Variants in TNFSF4 observed in about 807,000 individuals in gnomAD.
The protein encoded by TNFSF4 is TNF superfamily member 4, also known as tumor necrosis factor ligand superfamily member 4.
A neutral mutation model predicts 7.3 loss-of-function variants in TNFSF4; 4 were observed. The observed-to-expected ratio is 0.55, with a 90% CI of 0.27 to 1.25. The LOEUF is 1.25. Among genes scored for constraint, TNFSF4 ranks in the 50% most tolerant of loss-of-function variants. The pLI, the probability that TNFSF4 is intolerant of heterozygous loss-of-function variation, is 0.12. For synonymous variants in TNFSF4, 76 were observed against 83.7 expected, an observed-to-expected ratio of 0.91 and a Z score of 0.50; for missense variants, 181 against 208.8, an observed-to-expected ratio of 0.87 and a Z score of 0.82.
chr1:173,295,714 C>T, the TNFSF4 span, among the ~76,000 whole-genome samples: 5 of 152,100 alleles, frequency 3.3e-5, no homozygotes, highest in African/African-American at 1.2e-4. Context: ...TCATCTTCAA[C>T]GTCATCTTAT....
chr1:173,249,724 A>G, the TNFSF4 span, among the ~76,000 whole-genome samples: 2 of 152,358 alleles, frequency 1.3e-5, no homozygotes, highest in East Asian at 3.9e-4. Flanking sequence ...TTTAGCAGCA[A>G]GACTACACTC....
At chr1:173,333,604 C>T in the TNFSF4 span, among the ~76,000 whole-genome samples, 1 of 151,946 alleles carries the variant, frequency 6.6e-6, no homozygotes, top group African/African-American at 2.4e-5. Context: ...GAGGAGAAAC[C>T]AGAACCCCTC....
the TNFSF4 span, among the ~76,000 whole-genome samples, chr1:173,284,110 CT>C: frequency 1.1e-4 from 17 of 152,222 alleles, no homozygotes; most frequent in East Asian, 1.7e-3. Context: ...GATTTTAACT[CT>C]TTTTAATTCT....
At chr1:173,197,702 A>T (rs1649763859) in intron 1 of TNFSF4, among the ~76,000 whole-genome samples, 1 of 152,244 alleles carries the variant, frequency 6.6e-6, no homozygotes, top group South Asian at 2.1e-4. Flanking sequence ...GAGGGAGGGC[A>T]TCAGGAAAAA....
chr1:173,198,378 T>C (rs1317225645), intron 1 of TNFSF4, among the ~76,000 whole-genome samples: 1 of 152,242 alleles, frequency 6.6e-6, no homozygotes, highest in Non-Finnish European at 1.5e-5. Flanking sequence ...GCGAGATAGA[T>C]TTCAAAGGAT....
the TNFSF4 span, among the ~76,000 whole-genome samples, chr1:173,290,356 T>C: frequency 1.3e-5 from 2 of 152,144 alleles, no homozygotes; most frequent in Non-Finnish European, 2.9e-5. Context: ...CCACCTCACA[T>C]GTAACGCTCA....
chr1:173,326,596 A>G, the TNFSF4 span, among the ~76,000 whole-genome samples: 110 of 152,330 alleles, frequency 7.2e-4, no homozygotes, highest in African/African-American at 2.5e-3. Flanking sequence ...TGCAGACGAC[A>G]TGATTGTATA....
chr1:173,204,493 G>A (rs762419822), intron 1 of TNFSF4, among the ~76,000 whole-genome samples: 4 of 152,068 alleles, frequency 2.6e-5, no homozygotes, highest in Non-Finnish European at 5.9e-5. Context: ...AATGGAGCTT[G>A]GTAGCTATAT....
At chr1:173,346,894 T>C in the TNFSF4 span, among the ~76,000 whole-genome samples, 1 of 152,204 alleles carries the variant, frequency 6.6e-6, no homozygotes, top group Admixed American at 6.5e-5. Flanking sequence ...CATCCATTTA[T>C]ACAGCCAAGC....
the TNFSF4 span, among the ~76,000 whole-genome samples, chr1:173,244,088 A>G: frequency 6.6e-6 from 1 of 152,240 alleles, no homozygotes; most frequent in South Asian, 2.1e-4. Flanking sequence ...AATATTAAAC[A>G]TTCAAAGAGT....
the TNFSF4 span, among the ~76,000 whole-genome samples, chr1:173,429,009 G>C: frequency 7.1e-6 from 1 of 141,758 alleles, no homozygotes; most frequent in East Asian, 2.0e-4. Context: ...TCTGTCTAAG[G>C]AAAAAAAAAA....
chr1:173,195,206 TTCA>T (rs917258991), intron 1 of TNFSF4, among the ~76,000 whole-genome samples: 2 of 152,224 alleles, frequency 1.3e-5, no homozygotes, highest in African/African-American at 2.4e-5. Context: ...TTGAATTGTT[TTCA>T]TCATCAATAC....
At chr1:173,348,682 G>C in the TNFSF4 span, among the ~76,000 whole-genome samples, 1 of 152,060 alleles carries the variant, frequency 6.6e-6, no homozygotes, top group Non-Finnish European at 1.5e-5. Context: ...AAGAAAAACA[G>C]AAAAGGCACA....
chr1:173,268,865 C>G, the TNFSF4 span, among the ~76,000 whole-genome samples: 1 of 152,130 alleles, frequency 6.6e-6, no homozygotes, highest in Middle Eastern at 3.4e-3. Flanking sequence ...GACATAATGA[C>G]ATTATTAGGG....
the TNFSF4 span, among the ~76,000 whole-genome samples, chr1:173,430,154 A>T: frequency 2.0e-5 from 3 of 152,216 alleles, no homozygotes; most frequent in African/African-American, 7.2e-5. Context: ...GGGTCTAAGC[A>T]CACAGACGGT....
At chr1:173,429,592 T>A in the TNFSF4 span, among the ~76,000 whole-genome samples, 3 of 152,226 alleles carry the variant, frequency 2.0e-5, no homozygotes, top group African/African-American at 7.2e-5. Context: ...GAGCACAGGC[T>A]ACGCCACAAC....
At chr1:173,414,206 C>G in the TNFSF4 span, among the ~76,000 whole-genome samples, 1 of 152,166 alleles carries the variant, frequency 6.6e-6, no homozygotes, top group Non-Finnish European at 1.5e-5. Context: ...AGTCTAAGGT[C>G]AAGATGCCAG....
chr1:173,281,567 A>C, the TNFSF4 span, among the ~76,000 whole-genome samples: 1 of 152,172 alleles, frequency 6.6e-6, no homozygotes, highest in Non-Finnish European at 1.5e-5. Context: ...AATTATAAAA[A>C]TATATATTAT....
the TNFSF4 span, among the ~76,000 whole-genome samples, chr1:173,399,603 T>C: frequency 6.6e-6 from 1 of 151,380 alleles, no homozygotes. Context: ...GACCTCTCTG[T>C]ATGGACAAAA....
Sources: gnomAD v4.1 joint callset for allele counts (sites outside exome capture counted in the v4.1 genomes callset) on GRCh38, gnomAD v4.1.1 for gene constraint, MANE v1.5 for transcripts, NCBI Gene and HGNC (gene_info 2026-07-23, HGNC 2026-07-21) for gene names.